The following CTNND2 variants were observed in gnomAD, a reference collection of about 807,000 sequenced individuals.
CTNND2 encodes catenin delta-2.
CTNND2 carries 22 observed loss-of-function variants against 144.4 expected under a neutral mutation model. The observed-to-expected ratio is 0.15, with a 90% confidence interval of 0.11 to 0.22. CTNND2 has a LOEUF of 0.22. Among genes scored for constraint, CTNND2 ranks in the 10% least tolerant of loss-of-function variants. The pLI is 1.00. For synonymous variants in CTNND2, 751 were observed against 695.6 expected (o/e 1.08, Z -1.25); for missense variants, 1,353 against 1,618.8 (o/e 0.84, Z 2.82).
intron 1 of CTNND2, among the ~76,000 whole-genome samples, chr5:11,829,860 G>A (rs1291695127): frequency 6.6e-6 from 1 of 152,210 alleles, no homozygotes; most frequent in Non-Finnish European, 1.5e-5. Context: ...CTCAAAGTAA[G>A]CCTGGGAAAG....
intron 16 of CTNND2, among the ~76,000 whole-genome samples, chr5:11,034,909 A>G (rs1743900256): frequency 6.6e-6 from 1 of 151,684 alleles, no homozygotes; most frequent in Non-Finnish European, 1.5e-5. Flanking sequence ...TTTAGGGTAC[A>G]TGTGCACAGT....
chr5:11,658,970 T>C (rs1206031750), intron 2 of CTNND2, among the ~76,000 whole-genome samples: 3 of 152,168 alleles, frequency 2.0e-5, no homozygotes, highest in African/African-American at 4.8e-5. Flanking sequence ...CCAGATCACA[T>C]TTAGCAATCA....
rs61750741 is a variant in CTNND2 at position 11,218,451 on chromosome 5, G to A, written c.1761+18240C>T. 4.3e-4 allele frequency among the ~76,000 whole-genome samples: 65 copies of A among 152,218 alleles called. 1 individual carries two copies. Among genetic ancestry groups the A allele is most frequent in the South Asian group, 3.1e-3 (15 of 4,812 alleles). ...AGTAAGTCTGGATCCCTACATAAAA[G>A]TTTTGGGCCATGGGTAAGGGAATGA... is the stretch of plus-strand genomic sequence containing the variant. On this transcript the variant is annotated intron_variant, in intron 10 of 21. Coordinates refer to ENST00000304623, the MANE Select transcript of CTNND2 (RefSeq NM_001332.4).
rs1039141512 is a variant in CTNND2 at position 11,680,276 on chromosome 5, T to C, written c.174+51860A>G. Among the ~76,000 whole-genome samples the C allele has an allele frequency of 3.2e-4, 49 of 152,270 alleles. 1 individual carries two copies. The highest frequency in any genetic ancestry group is 1.4e-3 in the Admixed American group (22 of 15,296). On this transcript the variant is annotated intron_variant, in intron 2 of 21. Transcript: ENST00000304623. ...ACAGACTTACAATAATGCTAAGGAA[T>C]TGGCTCTTTATCCCTAGAGCAGTGG...
At chr5:11,679,239 G>C (rs1561686087) in intron 2 of CTNND2, among the ~76,000 whole-genome samples, 1 of 152,018 alleles carries the variant, frequency 6.6e-6, no homozygotes, top group African/African-American at 2.4e-5. Context: ...GTTACCTAAA[G>C]GAAAGGGACT....
intron 1 of CTNND2, among the ~76,000 whole-genome samples, chr5:11,814,635 A>G (rs1026461207): frequency 6.6e-6 from 1 of 152,258 alleles, no homozygotes; most frequent in African/African-American, 2.4e-5. Flanking sequence ...ACGCTAAGCT[A>G]CTTTCAATGA....
chr5:11,461,529 T>C (rs1561428573), intron 3 of CTNND2, among the ~76,000 whole-genome samples: 1 of 152,182 alleles, frequency 6.6e-6, no homozygotes, highest in South Asian at 2.1e-4. Context: ...AGACCTTTGC[T>C]TGGGGTGGTC....
chr5:11,808,239 T>C (rs780208004), intron 1 of CTNND2, among the ~76,000 whole-genome samples: 98 of 152,300 alleles, frequency 6.4e-4, no homozygotes, highest in Non-Finnish European at 1.2e-3. Flanking sequence ...AAACATACTT[T>C]ATTCACTTAT....
At chr5:11,641,426 TCAGAA>T (rs1240088743) in intron 2 of CTNND2, among the ~76,000 whole-genome samples, 6 of 150,594 alleles carry the variant, frequency 4.0e-5, no homozygotes, top group African/African-American at 1.2e-4. Flanking sequence ...TATTTCCTTC[TCAGAA>T]CAGGAGTAAA....
chr5:11,541,701 G>A lies in CTNND2; in HGVS notation c.287+23243C>T, dbSNP rs148063121. On this transcript the variant is annotated intron_variant, in intron 3 of 21. Transcript: ENST00000304623. ...ATAAGACATCTCAACTGAATTGACT[G>A]TTTTATTTGCCCACAATAAGCCTTT... Among the ~76,000 whole-genome samples, 9 of 152,202 alleles carry A rather than the reference G, an allele frequency of 5.9e-5. No homozygotes were observed. The East Asian group carries it at 1.5e-3, about 26-fold the overall frequency.
intron 10 of CTNND2, among the ~76,000 whole-genome samples, 158 bp from the exon 11 acceptor site, chr5:11,199,819 A>G (rs1392628468): frequency 6.6e-6 from 1 of 152,256 alleles, no homozygotes; most frequent in African/African-American, 2.4e-5. Context: ...TGTTTGCTTT[A>G]TATTTGATTG....
chr5:11,238,141 C>A (rs1741839926), intron 9 of CTNND2, among the ~76,000 whole-genome samples: 1 of 152,152 alleles, frequency 6.6e-6, no homozygotes, highest in Admixed American at 6.5e-5. Flanking sequence ...TTTATTAAAT[C>A]TCTCCACTCA....
chr5:11,894,075 A>G (rs907270753), intron 1 of CTNND2, among the ~76,000 whole-genome samples: 20 of 148,936 alleles, frequency 1.3e-4, no homozygotes, highest in Admixed American at 1.1e-3. Flanking sequence ...AGTTAGAGCG[A>G]TAAGAATTCT....
At chr5:11,142,164 G>A (rs1327888637) in intron 12 of CTNND2, among the ~76,000 whole-genome samples, 1 of 152,152 alleles carries the variant, frequency 6.6e-6, no homozygotes, top group African/African-American at 2.4e-5. Flanking sequence ...TGTTATAGCA[G>A]CATAAAATGG....
intron 3 of CTNND2, among the ~76,000 whole-genome samples, chr5:11,480,672 G>GTGTGTGTGTGTGTT (rs2149974581): frequency 6.6e-6 from 1 of 152,100 alleles, no homozygotes; most frequent in Admixed American, 6.5e-5. Flanking sequence ...GTGTGTGTGT[G>GTGTGTGTGTGTGTT]TGTAAGTGCA....
intron 2 of CTNND2, among the ~76,000 whole-genome samples, chr5:11,613,109 C>T (rs115575206): frequency 7.4e-4 from 113 of 152,258 alleles, no homozygotes; most frequent in African/African-American, 2.6e-3. Context: ...AAAACAGCTT[C>T]TTTGTGACAT....
chr5:11,848,130 C>A (rs4412115), intron 1 of CTNND2, among the ~76,000 whole-genome samples: 18,481 of 152,034 alleles, frequency 0.12, 3,163 homozygotes, highest in African/African-American at 0.39. Flanking sequence ...CTATTCTTTA[C>A]ACTTTAATTT....
At chr5:11,582,408 C>A (rs1778505646) in intron 2 of CTNND2, among the ~76,000 whole-genome samples, 1 of 152,048 alleles carries the variant, frequency 6.6e-6, no homozygotes, top group African/African-American at 2.4e-5. Context: ...AATAAACAAA[C>A]CAAAAACCAA....
chr5:10,985,075 A>AAAAT (rs10599114), intron 20 of CTNND2, among the ~76,000 whole-genome samples: 579 of 148,050 alleles, frequency 3.9e-3, no homozygotes, highest in African/African-American at 7.5e-3. Flanking sequence ...CTCCGTCTCA[A>AAAAT]AAATAAATAA....
Sources: gnomAD v4.1 joint callset for allele counts (sites outside exome capture counted in the v4.1 genomes callset) on GRCh38, gnomAD v4.1.1 for gene constraint, MANE v1.5 for transcripts, NCBI Gene and HGNC (gene_info 2026-07-23, HGNC 2026-07-21) for gene names.